NYAP2: variants seen among roughly 807,000 people sequenced by gnomAD.
NYAP2 encodes neuronal tyrosine-phosphorylated phosphoinositide-3-kinase adapter 2.
NYAP2 carries 23 observed loss-of-function variants against 50.4 expected under a neutral mutation model. The observed-to-expected ratio is 0.46, with a 90% CI of 0.33 to 0.65. NYAP2 has a LOEUF of 0.65. Among genes scored for constraint, NYAP2 ranks in the 30% least tolerant of loss-of-function variants. The probability of loss-of-function intolerance (pLI) is 0.02; values close to 1 mark genes in which losing one functional copy is unlikely to be tolerated. For synonymous variants in NYAP2, 394 were observed against 365.2 expected (o/e 1.08, Z -0.90); for missense variants, 885 against 861.0 (o/e 1.03, Z -0.35).
At chr2:225,670,600 T>A in the NYAP2 span, among the ~76,000 whole-genome samples, 1 of 87,538 alleles carries the variant, frequency 1.1e-5, no homozygotes, top group Non-Finnish European at 2.2e-5. Context: ...GTCTTCAGTA[T>A]TTTCCAAAAA....
At chr2:225,640,697 A>C (rs1273608817) in intron 6 of NYAP2, among the ~76,000 whole-genome samples, 1 of 152,220 alleles carries the variant, frequency 6.6e-6, no homozygotes, top group Non-Finnish European at 1.5e-5. Flanking sequence ...ATATAAAGCC[A>C]TGAGGCTACT....
chr2:225,624,804 A>G (rs747789384), intron 5 of NYAP2, among the ~76,000 whole-genome samples: 7 of 152,092 alleles, frequency 4.6e-5, no homozygotes, highest in Non-Finnish European at 8.8e-5. Context: ...AAAATCAAGG[A>G]AGTTAGGTAG....
chr2:225,702,331 A>G, the NYAP2 span: 2 of 151,778 alleles, frequency 1.3e-5, no homozygotes, highest in Non-Finnish European at 3.0e-5. Flanking sequence ...ACAGTTGATT[A>G]TTGAGCAAAC....
intron 3 of NYAP2, among the ~76,000 whole-genome samples, chr2:225,451,965 C>T (rs944234375): frequency 2.0e-5 from 3 of 151,928 alleles, no homozygotes; most frequent in Non-Finnish European, 4.4e-5. Context: ...TACACACACA[C>T]GTATATATAC....
Position 225,582,392 on chromosome 2 carries a change from C to G in NYAP2, c.975C>G (p.Pro325=). The G allele has an allele frequency of 6.2e-7, 1 of 1,607,960 alleles. No homozygotes were observed. The highest frequency in any genetic ancestry group is 8.5e-7 in the Non-Finnish European group (1 of 1,175,518). The change falls in exon 5 of 7, where the codon CCC becomes CCG. Residue 325 remains proline, a synonymous_variant. Transcript: ENST00000636099. The surrounding 1 kb of genome is among the most constrained non-coding windows in gnomAD (Gnocchi z 7.0). Reference sequence around the variant, plus strand: ...GGCTGCTTTGCGACATCCCTCCGCCCTTCCCCAACCTGCTTTCTCACAGAC... The same window carrying G: ...GGCTGCTTTGCGACATCCCTCCGCCGTTCCCCAACCTGCTTTCTCACAGAC...
At chr2:225,577,914 A>T (rs1453393594) in intron 4 of NYAP2, among the ~76,000 whole-genome samples, 2 of 151,706 alleles carry the variant, frequency 1.3e-5, no homozygotes, top group Non-Finnish European at 2.9e-5. Flanking sequence ...TTCTCTAAAC[A>T]TCCTCACACC....
At position 225,608,233 on chromosome 2, in the gene NYAP2, T is replaced by C. The variant is rs78173243; in HGVS notation, c.1619-18684T>C. Among the ~76,000 whole-genome samples the C allele has an allele frequency of 5.5e-3, 838 of 152,266 alleles. 9 individuals carry two copies. Among genetic ancestry groups the C allele is most frequent in the African/African-American group, 0.018 (761 of 41,562 alleles). On this transcript the variant is annotated intron_variant, in intron 5 of 6. Coordinates refer to ENST00000636099, the Ensembl canonical transcript of NYAP2. ...ATATTTCTGCATTTTTAAAACTAGG[T>C]CTGTACAATACGTTGAAAAGGGTAT...
At chr2:225,416,941 G>A (rs1417177749) in intron 3 of NYAP2, among the ~76,000 whole-genome samples, 4 of 152,160 alleles carry the variant, frequency 2.6e-5, no homozygotes, top group African/African-American at 9.7e-5. Flanking sequence ...CAAATTGAAT[G>A]ATTAAACAGA....
At chr2:225,633,346 T>C (rs1161119902) in intron 6 of NYAP2, among the ~76,000 whole-genome samples, 1 of 152,178 alleles carries the variant, frequency 6.6e-6, no homozygotes, top group African/African-American at 2.4e-5. Flanking sequence ...AAACCCTTGG[T>C]TTCTGCGTGT....
intron 4 of NYAP2, among the ~76,000 whole-genome samples, chr2:225,515,113 A>T (rs1690904543): frequency 6.6e-6 from 1 of 152,210 alleles, no homozygotes; most frequent in African/African-American, 2.4e-5. Flanking sequence ...CTTCAATACC[A>T]ATAAATGCCT....
At chr2:225,647,807 G>A (rs1693659490) in intron 6 of NYAP2, among the ~76,000 whole-genome samples, 1 of 152,094 alleles carries the variant, frequency 6.6e-6, no homozygotes, top group Non-Finnish European at 1.5e-5. Context: ...CAAGATCACA[G>A]GATGCTTTTC....
the NYAP2 span, among the ~76,000 whole-genome samples, chr2:225,680,580 G>T: frequency 1.3e-5 from 2 of 152,042 alleles, no homozygotes; most frequent in Non-Finnish European, 2.9e-5. Context: ...TTATTATAAG[G>T]ATATGATATA....
At chr2:225,516,621 C>T (rs539045538) in intron 4 of NYAP2, among the ~76,000 whole-genome samples, 1 of 152,004 alleles carries the variant, frequency 6.6e-6, no homozygotes, top group Non-Finnish European at 1.5e-5. Flanking sequence ...AAGTTATGAC[C>T]TCAATGATAA....
chr2:225,649,927 T>C (rs1574731221), intron 6 of NYAP2, among the ~76,000 whole-genome samples: 1 of 152,362 alleles, frequency 6.6e-6, no homozygotes, highest in South Asian at 2.1e-4. Context: ...AAACCTTGTT[T>C]ATTGTCTTTT....
At chr2:225,659,375 T>G in the NYAP2 span, among the ~76,000 whole-genome samples, 1 of 152,306 alleles carries the variant, frequency 6.6e-6, no homozygotes, top group East Asian at 1.9e-4. Flanking sequence ...TTTTGTCACC[T>G]CTCATGTGCT....
At chr2:225,680,006 T>C in the NYAP2 span, among the ~76,000 whole-genome samples, 7 of 152,260 alleles carry the variant, frequency 4.6e-5, no homozygotes, top group South Asian at 8.3e-4. Flanking sequence ...CATGAACATA[T>C]AAGATTAGAT....
intron 3 of NYAP2, among the ~76,000 whole-genome samples, chr2:225,461,582 T>C (rs1457984866): frequency 6.6e-6 from 1 of 152,262 alleles, no homozygotes; most frequent in Non-Finnish European, 1.5e-5. Context: ...GGTCTTCAGA[T>C]GTCTCTGTCC....
At chr2:225,436,654 A>G (rs1443322499) in intron 3 of NYAP2, among the ~76,000 whole-genome samples, 3 of 151,622 alleles carry the variant, frequency 2.0e-5, no homozygotes, top group Non-Finnish European at 4.4e-5. Context: ...GGAGGACACA[A>G]TTTAACCCAT....
At chr2:225,702,851 A>T in the NYAP2 span, 51 of 151,832 alleles carry the variant, frequency 3.4e-4, no homozygotes, top group East Asian at 9.5e-3. Context: ...GTCTCAACCA[A>T]ACATGAAAAT....
Sources: gnomAD v4.1 joint callset for allele counts (sites outside exome capture counted in the v4.1 genomes callset) on GRCh38, gnomAD v4.1.1 for gene constraint, Gnocchi (gnomAD v3.1) non-coding constraint, MANE v1.5 for transcripts, NCBI Gene and HGNC (gene_info 2026-07-23, HGNC 2026-07-21) for gene names.